NFKB1: variants seen among roughly 807,000 people sequenced by gnomAD.
NFKB1 encodes the protein nuclear factor kappa B subunit 1, also known as nuclear factor NF-kappa-B p105 subunit.
A neutral mutation model predicts 105.1 loss-of-function variants in NFKB1; 9 were observed. The observed-to-expected ratio is 0.09, with a 90% CI of 0.05 to 0.15. The LOEUF (loss-of-function observed/expected upper bound fraction) is 0.15. Ranked by LOEUF, NFKB1 falls within the 10% of genes least tolerant of loss-of-function variation. The pLI is 1.00. For missense variants in NFKB1, 830 were observed against 1,203.7 expected (o/e 0.69, Z 4.59); for synonymous variants, 440 against 442.2 (o/e 1.00, Z 0.06).
At chr4:102,560,873 C>T (rs1466794047) in intron 5 of NFKB1, among the ~76,000 whole-genome samples, 1 of 152,204 alleles carries the variant, frequency 6.6e-6, no homozygotes, top group Non-Finnish European at 1.5e-5. Context: ...ATAGTACCTA[C>T]CATGTACCAG....
intron 1 of NFKB1, chr4:102,502,056 G>C (rs1182960512): frequency 6.6e-6 from 1 of 152,344 alleles, no homozygotes; most frequent in African/African-American, 2.4e-5. Context: ...CCCTCCGCGG[G>C]GCGGGAACGC....
intron 5 of NFKB1, among the ~76,000 whole-genome samples, chr4:102,543,539 T>A (rs1004254682): frequency 1.3e-5 from 2 of 151,456 alleles, no homozygotes; most frequent in South Asian, 2.1e-4. Flanking sequence ...TTATGTTGAG[T>A]GGAAGACGTG....
intron 2 of NFKB1, 65 bp downstream of exon 2, chr4:102,525,622 G>A: frequency 1.4e-6 from 2 of 1,391,558 alleles, no homozygotes; most frequent in Non-Finnish European, 1.0e-6. Context: ...ATATGCAAAG[G>A]CAACATTAGT....
Position 102,616,623 on chromosome 4 carries a change from A to T in NFKB1, c.*29A>T. 1 of 1,607,442 alleles carries T rather than the reference A, an allele frequency of 6.2e-7. No homozygotes were observed. Among genetic ancestry groups the T allele is most frequent in the Non-Finnish European group, 8.5e-7 (1 of 1,175,820 alleles). On this transcript the variant is annotated 3_prime_UTR_variant, in exon 24 of 24. Transcript: ENST00000226574. ...GCTGACAATTTCCCACACCGTGTAA[A>T]CCAAAGCCCTAAAATTCCACTGCGT...
intron 1 of NFKB1, among the ~76,000 whole-genome samples, chr4:102,518,103 A>G (rs113047521): frequency 2.0e-5 from 3 of 152,322 alleles, no homozygotes; most frequent in African/African-American, 2.4e-5. Flanking sequence ...ACATGAAGAA[A>G]ATAATCAGCA....
chr4:102,529,432 G>T (rs938230600), intron 2 of NFKB1, among the ~76,000 whole-genome samples: 4 of 152,134 alleles, frequency 2.6e-5, no homozygotes, highest in African/African-American at 9.7e-5. Context: ...TGATTTCTAG[G>T]ATTATATTAT....
intron 5 of NFKB1, among the ~76,000 whole-genome samples, chr4:102,563,715 C>G (rs990401895): frequency 3.3e-5 from 5 of 152,086 alleles, no homozygotes; most frequent in Admixed American, 2.0e-4. Context: ...ATCTTCAAGC[C>G]CAGCTGGTTT....
intron 6 of NFKB1, among the ~76,000 whole-genome samples, chr4:102,569,033 C>T (rs189337642): frequency 6.6e-6 from 1 of 152,154 alleles, no homozygotes; most frequent in Admixed American, 6.5e-5. Flanking sequence ...TTTAGTGTTT[C>T]CTATGAAAAG....
intron 5 of NFKB1, among the ~76,000 whole-genome samples, chr4:102,539,492 T>G (rs576696903): frequency 6.6e-6 from 1 of 152,078 alleles, no homozygotes; most frequent in Non-Finnish European, 1.5e-5. Context: ...ATGAAAGATG[T>G]TTTTTCTATT....
Position 102,616,525 on chromosome 4 carries a change from C to G in NFKB1, c.2841C>G (p.Ala947=). 1 of 1,614,128 alleles carries G rather than the reference C, an allele frequency of 6.2e-7. No individual in the cohort carries two copies. Among genetic ancestry groups the G allele is most frequent in the East Asian group, 2.2e-5 (1 of 44,886 alleles). The change falls in exon 24 of 24, where the codon GCC becomes GCG. Residue 947 remains alanine, a synonymous_variant. Coordinates refer to ENST00000226574, the MANE Select transcript of NFKB1 (RefSeq NM_003998.4). The part of the protein sequence containing the change: ...LSFTESLTSG[A]SLLTLNKMPH... ...TTACCGAGTCTCTGACCAGTGGTGC[C>G]TCACTGCTAACTCTCAACAAAATGC... is the stretch of plus-strand genomic sequence containing the variant.
intron 12 of NFKB1, among the ~76,000 whole-genome samples, chr4:102,594,648 T>C (rs1265260907): frequency 6.6e-6 from 1 of 152,140 alleles, no homozygotes; most frequent in Non-Finnish European, 1.5e-5. Context: ...CTTTCTCCAT[T>C]ACAACCCCTC....
chr4:102,559,410 G>A (rs1489774162), intron 5 of NFKB1, among the ~76,000 whole-genome samples: 2 of 151,888 alleles, frequency 1.3e-5, no homozygotes, highest in African/African-American at 2.4e-5. Context: ...GGCATGACAT[G>A]GCTTGAACAG....
At chr4:102,586,339 G>A (rs1015295781) in intron 11 of NFKB1, among the ~76,000 whole-genome samples, 1 of 152,128 alleles carries the variant, frequency 6.6e-6, no homozygotes, top group Non-Finnish European at 1.5e-5. Flanking sequence ...AGGAACAAGG[G>A]AGCAAAAGTA....
chr4:102,513,076 A>G lies in NFKB1; in HGVS notation c.-8+11288A>G, dbSNP rs566573888. ...TACTCAAGGCAGAGGCTATATATCA[A>G]AATTAAAATTCTGTGATACTATGTT... On this transcript the variant is annotated intron_variant, in intron 1 of 23. Transcript: ENST00000226574. 6.6e-5 allele frequency among the ~76,000 whole-genome samples: 10 copies of G among 152,306 alleles called. No homozygotes were observed. In the South Asian group the frequency reaches 1.7e-3, roughly 25 times the overall value.
At chr4:102,515,785 G>A (rs1243566729) in intron 1 of NFKB1, among the ~76,000 whole-genome samples, 1 of 152,016 alleles carries the variant, frequency 6.6e-6, no homozygotes, top group South Asian at 2.1e-4. Flanking sequence ...GTCTGTTTAG[G>A]AAATTAAGAA....
chr4:102,555,623 T>C (rs746802699), intron 5 of NFKB1, among the ~76,000 whole-genome samples: 3 of 152,134 alleles, frequency 2.0e-5, no homozygotes, highest in Non-Finnish European at 4.4e-5. Context: ...GAGAGATGTA[T>C]GAAAGCATAG....
chr4:102,585,820 GA>G (rs1725665754), intron 11 of NFKB1, among the ~76,000 whole-genome samples: 1 of 152,136 alleles, frequency 6.6e-6, no homozygotes, highest in Admixed American at 6.5e-5. Flanking sequence ...GTGTTAAACA[GA>G]GAAGGAGAGG....
intron 1 of NFKB1, among the ~76,000 whole-genome samples, chr4:102,519,362 T>G (rs1223495540): frequency 6.8e-6 from 1 of 147,890 alleles, no homozygotes; most frequent in Non-Finnish European, 1.5e-5. Flanking sequence ...AGTTTTAATA[T>G]GTAAGTATAT....
intron 4 of NFKB1, 93 bp downstream of exon 4, chr4:102,533,978 G>A: frequency 9.3e-7 from 1 of 1,080,340 alleles, no homozygotes; most frequent in Non-Finnish European, 1.4e-6. Flanking sequence ...GTTCTATGAA[G>A]GAAGTAGTTT....
Sources: allele counts gnomAD v4.1 joint callset (sites outside exome capture counted in the v4.1 genomes callset), GRCh38; gene constraint gnomAD v4.1.1; transcripts MANE v1.5; gene names NCBI Gene and HGNC (gene_info 2026-07-23, HGNC 2026-07-21).